Variants in GRID2 observed in about 807,000 individuals in gnomAD.
The protein encoded by GRID2 is glutamate ionotropic receptor delta type subunit 2.
GRID2 carries 33 observed loss-of-function variants against 114.8 expected under a neutral mutation model. That is an observed-to-expected ratio of 0.29 (90% CI 0.22 to 0.38). The LOEUF is 0.38. Ranked by LOEUF, GRID2 falls within the 10% of genes least tolerant of loss-of-function variation. The pLI, the probability that GRID2 is intolerant of heterozygous loss-of-function variation, is 1.00. For missense variants in GRID2, 1,184 were observed against 1,257.7 expected (o/e 0.94, Z 0.89); for synonymous variants, 505 against 449.9 (o/e 1.12, Z -1.55).
At chr4:93,474,257 G>A (rs562375667) in intron 11 of GRID2, among the ~76,000 whole-genome samples, 34 of 152,164 alleles carry the variant, frequency 2.2e-4, no homozygotes, top group Non-Finnish European at 3.8e-4. Context: ...CTGCCTCCTA[G>A]AACAACTCTG....
At chr4:92,794,874 T>TTATATATATATATATATA (rs34559735) in intron 2 of GRID2, among the ~76,000 whole-genome samples, 121 of 105,986 alleles carry the variant, frequency 1.1e-3, no homozygotes, top group African/African-American at 2.8e-3. Flanking sequence ...AATAATTGTT[T>TTATATATATATATATATA]TATATATATA....
chr4:93,454,989 C>A (rs1399406608), intron 10 of GRID2, among the ~76,000 whole-genome samples: 9 of 152,022 alleles, frequency 5.9e-5, no homozygotes, highest in Admixed American at 2.0e-4. Context: ...GTTAAGAGTG[C>A]TATCACTGAG....
chr4:92,497,686 C>G (rs1035323430), intron 1 of GRID2, among the ~76,000 whole-genome samples: 1 of 151,842 alleles, frequency 6.6e-6, no homozygotes, highest in Non-Finnish European at 1.5e-5. Context: ...ACCTTTTTCT[C>G]TCTTGCAGAT....
chr4:92,641,457 T>A (rs2149253733), intron 2 of GRID2, among the ~76,000 whole-genome samples: 1 of 151,628 alleles, frequency 6.6e-6, no homozygotes, highest in East Asian at 2.0e-4. Context: ...TTTTTTCTTT[T>A]TTTTTTAGAA....
chr4:92,950,419 C>T (rs936805147), intron 2 of GRID2, among the ~76,000 whole-genome samples: 3 of 152,084 alleles, frequency 2.0e-5, no homozygotes, highest in Admixed American at 2.0e-4. Flanking sequence ...CCTACAAGTG[C>T]TTTTGTTTGA....
chr4:92,376,257 C>A (rs1436200648), intron 1 of GRID2, among the ~76,000 whole-genome samples: 1 of 151,986 alleles, frequency 6.6e-6, no homozygotes, highest in Non-Finnish European at 1.5e-5. Context: ...TTGCAGTGAG[C>A]CAAAATTGCA....
At chr4:92,900,227 C>T (rs906678500) in intron 2 of GRID2, among the ~76,000 whole-genome samples, 4 of 152,104 alleles carry the variant, frequency 2.6e-5, no homozygotes, top group African/African-American at 9.7e-5. Context: ...CAGCACATTG[C>T]AGGAAGCTAG....
chr4:92,504,476 C>T (rs184546392), intron 1 of GRID2, among the ~76,000 whole-genome samples: 148 of 152,002 alleles, frequency 9.7e-4, no homozygotes, highest in African/African-American at 3.4e-3. Context: ...GAGATTGACT[C>T]CAGAAGAGAA....
chr4:92,668,222 G>C (rs1357278497), intron 2 of GRID2, among the ~76,000 whole-genome samples: 1 of 151,776 alleles, frequency 6.6e-6, no homozygotes, highest in Non-Finnish European at 1.5e-5. Flanking sequence ...GAATGAGATT[G>C]ATGTAGGGTT....
chr4:92,945,673 A>C (rs994248482), intron 2 of GRID2, among the ~76,000 whole-genome samples: 3 of 152,148 alleles, frequency 2.0e-5, no homozygotes, highest in African/African-American at 4.8e-5. Context: ...GTTTTTCCCA[A>C]ATGATTACTT....
intron 12 of GRID2, among the ~76,000 whole-genome samples, chr4:93,507,665 C>G (rs1728760080): frequency 6.6e-6 from 1 of 152,148 alleles, no homozygotes; most frequent in Non-Finnish European, 1.5e-5. Context: ...TCATGTACCC[C>G]TTATCTTCTC....
intron 1 of GRID2, among the ~76,000 whole-genome samples, chr4:92,571,880 G>A (rs557395620): frequency 6.6e-6 from 1 of 152,054 alleles, no homozygotes; most frequent in Admixed American, 6.6e-5. Flanking sequence ...ACACATTCAA[G>A]GCAGTGTGTG....
intron 14 of GRID2, among the ~76,000 whole-genome samples, chr4:93,740,553 A>G (rs1421269289): frequency 6.6e-6 from 1 of 152,204 alleles, no homozygotes; most frequent in African/African-American, 2.4e-5. Flanking sequence ...GGAAGTGCTA[A>G]CCAGGCTGCT....
intron 8 of GRID2, among the ~76,000 whole-genome samples, chr4:93,349,274 T>G (rs1037461110): frequency 4.6e-5 from 7 of 152,274 alleles, no homozygotes; most frequent in African/African-American, 1.4e-4. Flanking sequence ...GTTTGCCATC[T>G]ACTCCATTAC....
At chr4:93,584,048 T>G (rs774398491) in intron 13 of GRID2, among the ~76,000 whole-genome samples, 5 of 152,154 alleles carry the variant, frequency 3.3e-5, no homozygotes, top group Non-Finnish European at 7.4e-5. Context: ...GGAAAGAATT[T>G]TAGGGTTCCG....
intron 13 of GRID2, among the ~76,000 whole-genome samples, chr4:93,559,375 T>G (rs1734661215): frequency 1.3e-5 from 2 of 152,088 alleles, no homozygotes; most frequent in African/African-American, 2.4e-5. Flanking sequence ...ACAAGGAGTT[T>G]AAACAAATTT....
At chr4:92,645,146 T>C (rs1352595926) in intron 2 of GRID2, among the ~76,000 whole-genome samples, 1 of 151,636 alleles carries the variant, frequency 6.6e-6, no homozygotes, top group Non-Finnish European at 1.5e-5. Context: ...TTATAAAATA[T>C]ATATTAAATT....
At position 93,787,566 on chromosome 4, in the gene GRID2, C is replaced by T. The variant is rs1273090707; in HGVS notation, c.221+18116C>T. ...ATTTACCCTTACATGGCTCCGTTAT[C>T]TTTCATAGCACAGGACACCTTCTAC... On this transcript the variant is annotated intron_variant, in intron 1 of 1. Transcript: ENST00000637838. 3.3e-5 allele frequency among the ~76,000 whole-genome samples: 5 copies of T among 152,134 alleles called. No homozygotes were observed. The East Asian group carries it at 9.6e-4, about 29-fold the overall frequency.
intron 1 of GRID2, among the ~76,000 whole-genome samples, chr4:92,564,441 TAAAC>T (rs1217791134): frequency 6.6e-6 from 1 of 151,954 alleles, no homozygotes; most frequent in Admixed American, 6.6e-5. Context: ...GATAGACACT[TAAAC>T]AAGTGCCAAT....
Sources: gnomAD v4.1 joint callset for allele counts (sites outside exome capture counted in the v4.1 genomes callset) on GRCh38, gnomAD v4.1.1 for gene constraint, MANE v1.5 for transcripts, NCBI Gene and HGNC (gene_info 2026-07-23, HGNC 2026-07-21) for gene names.